WWOX: variants seen among roughly 807,000 people sequenced by gnomAD.
WWOX encodes WW domain containing oxidoreductase, also known as WW domain-containing oxidoreductase.
A neutral mutation model predicts 46.2 loss-of-function variants in WWOX; 69 were observed. The ratio of observed to expected loss-of-function variants is 1.49; its 90% CI spans 1.23 to 1.82. WWOX has a LOEUF of 1.82. Among genes scored for constraint, WWOX ranks in the 40% most tolerant of loss-of-function variants. The pLI, the probability that WWOX is intolerant of heterozygous loss-of-function variation, is 0.00. For synonymous variants in WWOX, 359 were observed against 202.6 expected (o/e 1.77, Z -6.56); for missense variants, 919 against 542.6 (o/e 1.69, Z -6.89).
At chr16:78,481,549 A>G (rs1389289488) in intron 8 of WWOX, among the ~76,000 whole-genome samples, 1 of 151,314 alleles carries the variant, frequency 6.6e-6, no homozygotes, top group Non-Finnish European at 1.5e-5. Flanking sequence ...ACCTCCCACC[A>G]CCCCTTAATT....
At chr16:79,069,499 T>G (rs1285286994) in intron 8 of WWOX, among the ~76,000 whole-genome samples, 1 of 152,112 alleles carries the variant, frequency 6.6e-6, no homozygotes, top group Non-Finnish European at 1.5e-5. Context: ...AGAACCGACT[T>G]ATTTATCACA....
At chr16:79,200,544 G>C (rs751028204) in intron 8 of WWOX, among the ~76,000 whole-genome samples, 1 of 152,142 alleles carries the variant, frequency 6.6e-6, no homozygotes, top group Non-Finnish European at 1.5e-5. Context: ...GCCTGGTGGG[G>C]AGTGAGGATA....
chr16:78,381,547 T>A (rs2081957415), intron 5 of WWOX, among the ~76,000 whole-genome samples: 1 of 32,456 alleles, frequency 3.1e-5, no homozygotes, highest in Admixed American at 3.6e-4. Flanking sequence ...GGCTCTGTTT[T>A]AAAATGATGG....
At chr16:78,109,239 C>T (rs925959289) in intron 2 of WWOX, among the ~76,000 whole-genome samples, 1 of 152,004 alleles carries the variant, frequency 6.6e-6, no homozygotes. Flanking sequence ...GTGATCCCAG[C>T]CCTTTGGGAG....
rs369513807 is a variant in WWOX at position 78,796,993 on chromosome 16, T to C, written c.1056+364241T>C. 2.7e-4 allele frequency among the ~76,000 whole-genome samples: 41 copies of C among 152,146 alleles called. No individual in the cohort carries two copies. In the East Asian group the frequency reaches 6.0e-3, roughly 22 times the overall value. On this transcript the variant is annotated intron_variant, in intron 8 of 8. Transcript: ENST00000566780. Reference sequence around the variant, plus strand: ...GGCATGAGCCACCATGCCTGGCTAATTTTTGTATTTTTAGTAGTGCCGGGG... The same window carrying C: ...GGCATGAGCCACCATGCCTGGCTAACTTTTGTATTTTTAGTAGTGCCGGGG...
chr16:78,514,697 A>G (rs185981950), intron 8 of WWOX, among the ~76,000 whole-genome samples: 97 of 152,328 alleles, frequency 6.4e-4, no homozygotes, highest in African/African-American at 2.3e-3. Context: ...TATTAAGTGG[A>G]ATAAGCAGTT....
chr16:78,903,454 C>T lies in WWOX; in HGVS notation c.1057-308154C>T, dbSNP rs578030902. On this transcript the variant is annotated intron_variant, in intron 8 of 8. Transcript: ENST00000566780. Reference sequence around the variant, plus strand: ...AGGCTGAAGTGAAGTTACAAAGTTACACTCCTATGCAAACGTCTGATTGGT... The same window carrying T: ...AGGCTGAAGTGAAGTTACAAAGTTATACTCCTATGCAAACGTCTGATTGGT... Among the ~76,000 whole-genome samples, 7 of 152,312 alleles carry T rather than the reference C, an allele frequency of 4.6e-5. No homozygotes were observed. In the East Asian group the frequency reaches 5.8e-4, roughly 13 times the overall value.
chr16:78,501,561 G>A (rs1014727840), intron 8 of WWOX, among the ~76,000 whole-genome samples: 1 of 150,994 alleles, frequency 6.6e-6, no homozygotes, highest in Non-Finnish European at 1.5e-5. Flanking sequence ...TTTTGAGATG[G>A]AGTCTTCCTC....
intron 8 of WWOX, among the ~76,000 whole-genome samples, chr16:78,822,016 A>G (rs1025633360): frequency 4.6e-5 from 7 of 152,168 alleles, no homozygotes; most frequent in African/African-American, 9.7e-5. Context: ...AGGTAGGACT[A>G]TAGGCATGCA....
intron 8 of WWOX, among the ~76,000 whole-genome samples, chr16:78,640,410 G>A (rs1278834799): frequency 6.6e-6 from 1 of 152,064 alleles, no homozygotes; most frequent in South Asian, 2.1e-4. Context: ...GGCAGGAAGG[G>A]CACAGGGGCA....
At position 78,666,178 on chromosome 16, in the gene WWOX, T is replaced by C. The variant is rs561143687; in HGVS notation, c.1056+233426T>C. Among the ~76,000 whole-genome samples, 3 of 152,126 alleles carry C rather than the reference T, an allele frequency of 2.0e-5. No individual in the cohort carries two copies. In the East Asian group the frequency reaches 5.9e-4, roughly 30 times the overall value. ...GGTGTGCCACAGTAGTCCCAGCTAC[T>C]CAGGAGGCTAAGGCAGGGGGATTGT... On this transcript the variant is annotated intron_variant, in intron 8 of 8. Coordinates refer to ENST00000566780, the MANE Select transcript of WWOX (RefSeq NM_016373.4).
intron 8 of WWOX, among the ~76,000 whole-genome samples, chr16:79,091,241 A>T (rs1238170214): frequency 6.6e-6 from 1 of 152,158 alleles, no homozygotes; most frequent in Non-Finnish European, 1.5e-5. Flanking sequence ...CAAAAGCAAA[A>T]ACAAAAAACT....
At chr16:78,346,371 C>G (rs57552727) in intron 5 of WWOX, among the ~76,000 whole-genome samples, 2 of 120,638 alleles carry the variant, frequency 1.7e-5, no homozygotes, top group East Asian at 1.9e-4. Context: ...ATGCACTAGT[C>G]TTTGTGTGGA....
At chr16:78,908,069 C>A (rs116915619) in intron 8 of WWOX, among the ~76,000 whole-genome samples, 2 of 152,128 alleles carry the variant, frequency 1.3e-5, no homozygotes, top group Non-Finnish European at 2.9e-5. Flanking sequence ...TTATAGTTCC[C>A]AAATTGCAGG....
At chr16:78,634,129 A>G (rs1022589336) in intron 8 of WWOX, among the ~76,000 whole-genome samples, 1 of 152,046 alleles carries the variant, frequency 6.6e-6, no homozygotes. Flanking sequence ...CCAGAGAGAG[A>G]CCTTTTTGTA....
chr16:78,718,092 G>GTTTTTTTTTTTTTTTTTTTTTTATTTT, intron 8 of WWOX, among the ~76,000 whole-genome samples: 1 of 139,616 alleles, frequency 7.2e-6, no homozygotes, highest in African/African-American at 2.9e-5. Flanking sequence ...GGTTCTGGTG[G>GTTTTTTTTTTTTTTTTTTTTTTATTTT]TTGTATTTTT....
intron 8 of WWOX, among the ~76,000 whole-genome samples, chr16:78,793,036 C>T (rs947894992): frequency 2.0e-5 from 3 of 152,114 alleles, no homozygotes; most frequent in African/African-American, 7.2e-5. Context: ...CCCGCTGCCC[C>T]CTTTCTTTCT....
At chr16:78,251,708 T>G (rs183987496) in intron 5 of WWOX, among the ~76,000 whole-genome samples, 1 of 152,332 alleles carries the variant, frequency 6.6e-6, no homozygotes, top group Admixed American at 6.5e-5. Context: ...ACTTCCTTGC[T>G]TGTTACCTTG....
chr16:78,803,481 G>C (rs938916990), intron 8 of WWOX, among the ~76,000 whole-genome samples: 1 of 152,072 alleles, frequency 6.6e-6, no homozygotes, highest in African/African-American at 2.4e-5. Flanking sequence ...GGGTCTCGCT[G>C]TGTTGCCCAT....
Sources: allele counts gnomAD v4.1 joint callset (sites outside exome capture counted in the v4.1 genomes callset), GRCh38; gene constraint gnomAD v4.1.1; transcripts MANE v1.5; gene names NCBI Gene and HGNC (gene_info 2026-07-23, HGNC 2026-07-21).